MYT1L: variants seen among roughly 807,000 people sequenced by gnomAD.
MYT1L encodes myelin transcription factor 1 like, also known as myelin transcription factor 1-like protein.
A neutral mutation model predicts 126.7 loss-of-function variants in MYT1L; 12 were observed. That is an observed-to-expected ratio of 0.09 (90% CI 0.06 to 0.15). MYT1L has a LOEUF of 0.15. Among genes scored for constraint, MYT1L ranks in the 10% least tolerant of loss-of-function variants. The pLI is 1.00. For synonymous variants in MYT1L, 541 were observed against 604.2 expected, an observed-to-expected ratio of 0.90 and a Z score of 1.53; for missense variants, 979 against 1,585.2, an observed-to-expected ratio of 0.62 and a Z score of 6.49.
chr2:2,155,417 T>C (rs1180498521), intron 3 of MYT1L, among the ~76,000 whole-genome samples: 1 of 152,186 alleles, frequency 6.6e-6, no homozygotes, highest in African/African-American at 2.4e-5. Flanking sequence ...GAAAATATTT[T>C]TCTGTCTATT....
rs537801856 is a variant in MYT1L at position 1,873,455 on chromosome 2, A to C, written c.2711+13084T>G. On this transcript the variant is annotated intron_variant, in intron 18 of 24. Transcript: ENST00000647738. ...CTCCGAGGCTGTACATGGAGAGGCC[A>C]CAAGTCACTGCCATGTTATTTGATA... Among the ~76,000 whole-genome samples the C allele has an allele frequency of 6.6e-5, 10 of 152,344 alleles. No individual in the cohort carries two copies. In the South Asian group the frequency reaches 2.1e-3, roughly 32 times the overall value.
intron 13 of MYT1L, among the ~76,000 whole-genome samples, chr2:1,907,913 C>A (rs955053488): frequency 2.6e-5 from 4 of 152,246 alleles, no homozygotes; most frequent in African/African-American, 9.6e-5. Flanking sequence ...AGGAGTCTCA[C>A]GCAGGGCCAG....
chr2:2,131,466 G>C (rs1197580299), intron 3 of MYT1L, among the ~76,000 whole-genome samples: 4 of 152,146 alleles, frequency 2.6e-5, no homozygotes, highest in African/African-American at 9.7e-5. Flanking sequence ...ATTGGTGAAA[G>C]GGGCTGCATG....
chr2:2,105,938 G>A (rs112970340), intron 3 of MYT1L, among the ~76,000 whole-genome samples: 2,415 of 152,194 alleles, frequency 0.016, 59 homozygotes, highest in African/African-American at 0.055. Flanking sequence ...TTTTATTCCC[G>A]AGACAGGGTG....
intron 1 of MYT1L, among the ~76,000 whole-genome samples, chr2:2,311,565 C>A (rs1001315125): frequency 6.6e-6 from 1 of 152,154 alleles, no homozygotes; most frequent in Admixed American, 6.5e-5. Context: ...TTCTGTCACA[C>A]GACTTTGGGG....
At position 1,922,857 on chromosome 2, in the gene MYT1L, C is replaced by A. The variant is rs773240887; in HGVS notation, c.912G>T (p.Lys304Asn). ...SRNMNYVMLGKPMNNGLMEKM... is the reference protein window; with the variant it reads ...SRNMNYVMLGNPMNNGLMEKM... ...TTTCCATGAGTCCGTTGTTCATGGG[C>A]TTCCCCAACATGACGTAATTCATAT... Residue 304 changes from lysine (K) to asparagine (N), a missense_variant, in exon 10 of 25, where the codon AAG becomes AAT. Physicochemically the swap from Lys to Asn is moderately conservative, Grantham distance 94. This residue lies in a region of MYT1L where 243 missense variants were observed against 363.9 expected (regional missense o/e 0.67). Coordinates refer to ENST00000647738, the MANE Select transcript of MYT1L (RefSeq NM_001303052.2). This position sits in a 1 kb window ranked among gnomAD's most constrained non-coding sequence, Gnocchi z 7.4. 6.2e-7 allele frequency: 1 copy of A among 1,614,012 alleles called. No individual in the cohort carries two copies. The highest frequency in any genetic ancestry group is 8.5e-7 in the Non-Finnish European group (1 of 1,179,902).
At chr2:2,121,332 C>G (rs1156536623) in intron 3 of MYT1L, among the ~76,000 whole-genome samples, 1 of 152,046 alleles carries the variant, frequency 6.6e-6, no homozygotes, top group Non-Finnish European at 1.5e-5. Context: ...TGTCCACCAT[C>G]ATGCCCAGCT....
At chr2:2,066,262 T>C (rs1046297902) in intron 3 of MYT1L, among the ~76,000 whole-genome samples, 3 of 152,318 alleles carry the variant, frequency 2.0e-5, no homozygotes, top group African/African-American at 4.8e-5. Context: ...AAAGTTCATA[T>C]GTCCTTGCTG....
chr2:2,010,708 C>G (rs2063740323), intron 4 of MYT1L, among the ~76,000 whole-genome samples: 1 of 152,154 alleles, frequency 6.6e-6, no homozygotes, highest in Non-Finnish European at 1.5e-5. Context: ...AGAAGCCACA[C>G]CCACAGCTAA....
Position 1,979,785 on chromosome 2 carries a change from T to A in MYT1L, c.1-8A>T. On this transcript the variant is annotated splice_polypyrimidine_tract_variant and splice_region_variant and intron_variant, in intron 5 of 24. Transcript: ENST00000647738. This position sits in a 1 kb window ranked among gnomAD's most constrained non-coding sequence, Gnocchi z 4.0. ...CTCGGTGTCCACCTCCATCTGGGGA[T>A]AGATTAGCAGCCATCAATGTGCTTA... 6.2e-7 allele frequency: 1 copy of A among 1,613,856 alleles called. No individual in the cohort carries two copies. The highest frequency in any genetic ancestry group is 8.5e-7 in the Non-Finnish European group (1 of 1,179,870).
intron 4 of MYT1L, among the ~76,000 whole-genome samples, chr2:2,030,983 T>C (rs960793622): frequency 6.6e-6 from 1 of 152,252 alleles, no homozygotes; most frequent in African/African-American, 2.4e-5. Context: ...TGTGAGGACA[T>C]ACTTATTTTG....
intron 22 of MYT1L, among the ~76,000 whole-genome samples, chr2:1,802,949 T>C (rs1234536590): frequency 6.6e-6 from 1 of 152,126 alleles, no homozygotes; most frequent in Non-Finnish European, 1.5e-5. Context: ...AGTGGGTAGA[T>C]GCTGTTTTCA....
At chr2:1,944,192 T>C (rs1177236221) in intron 8 of MYT1L, among the ~76,000 whole-genome samples, 3 of 152,144 alleles carry the variant, frequency 2.0e-5, no homozygotes, top group Admixed American at 6.5e-5. Context: ...CATGTTGGTA[T>C]ATTACATTAG....
chr2:1,956,475 T>C (rs1450637087), intron 8 of MYT1L, among the ~76,000 whole-genome samples: 4 of 150,826 alleles, frequency 2.7e-5, no homozygotes, highest in Non-Finnish European at 4.4e-5. Flanking sequence ...ATATTTCCTA[T>C]TCTTTCTATG....
chr2:1,800,958 G>A (rs920726745), intron 23 of MYT1L, among the ~76,000 whole-genome samples: 1 of 152,112 alleles, frequency 6.6e-6, no homozygotes, highest in Middle Eastern at 3.4e-3. Context: ...TGTGAGGGTC[G>A]GGTGGTCAGC....
At chr2:2,017,168 G>A (rs1295422483) in intron 4 of MYT1L, among the ~76,000 whole-genome samples, 1 of 152,156 alleles carries the variant, frequency 6.6e-6, no homozygotes, top group Non-Finnish European at 1.5e-5. Context: ...ACTGAGAGTT[G>A]CCCTAGAGAC....
chr2:1,890,849 T>G (rs1432820727), intron 15 of MYT1L, among the ~76,000 whole-genome samples: 1 of 152,196 alleles, frequency 6.6e-6, no homozygotes, highest in Non-Finnish European at 1.5e-5. Flanking sequence ...CTTGATAAAT[T>G]ATACAGTATC....
intron 4 of MYT1L, among the ~76,000 whole-genome samples, chr2:2,016,885 A>C (rs911101707): frequency 1.3e-5 from 2 of 152,252 alleles, no homozygotes; most frequent in Admixed American, 6.5e-5. Context: ...GAGCACAGCT[A>C]ATTAAAGCAG....
intron 3 of MYT1L, among the ~76,000 whole-genome samples, chr2:2,161,771 C>A (rs941598734): frequency 6.6e-6 from 1 of 152,118 alleles, no homozygotes; most frequent in Non-Finnish European, 1.5e-5. Context: ...TCACTCTGGG[C>A]AGGAACTCTG....
Sources: gnomAD v4.1 joint callset for allele counts (sites outside exome capture counted in the v4.1 genomes callset) on GRCh38, gnomAD v4.1.1 for gene constraint, gnomAD v4.1.1 regional missense constraint, Gnocchi (gnomAD v3.1) non-coding constraint, MANE v1.5 for transcripts, NCBI Gene and HGNC (gene_info 2026-07-23, HGNC 2026-07-21) for gene names.